Variants in PLD1 observed in about 807,000 individuals in gnomAD.
PLD1 encodes phospholipase D1.
PLD1 carries 112 observed loss-of-function variants against 137.1 expected under a neutral mutation model. The ratio of observed to expected loss-of-function variants is 0.82; its 90% CI spans 0.70 to 0.96. PLD1 has a LOEUF of 0.96. Among genes scored for constraint, PLD1 ranks in the 40% least tolerant of loss-of-function variants. PLD1 has a pLI of 0.00. For missense variants in PLD1, 1,321 were observed against 1,342.0 expected (o/e 0.98, Z 0.24); for synonymous variants, 431 against 454.7 (o/e 0.95, Z 0.66).
Position 171,764,933 on chromosome 3 carries a change from GGAAAGAAAGAAAGAAAGAAAGAAA to G in PLD1, c.-31-26875_-31-26852del, listed in dbSNP as rs151169443. The stretch of plus-strand genomic sequence containing the variant: ...GAAGGAAAGAAAGAAAGGAAAGAAA[GGAAAGAAAGAAAGAAAGAAAGAAA>G]GAAAGAAAGAAAGAAAGAAAGAAAG... On this transcript the variant is annotated intron_variant, in intron 1 of 26. Coordinates refer to ENST00000351298, the MANE Select transcript of PLD1 (RefSeq NM_002662.5). 5.9e-3 allele frequency among the ~76,000 whole-genome samples: 140 copies of G among 23,740 alleles called. 9 individuals carry two copies. The highest frequency in any genetic ancestry group is 0.016 in the South Asian group (13 of 816). 15.6% of individuals were successfully genotyped at this position (23,740 alleles called of 152,430 possible). A position where few individuals can be genotyped will look rare whatever the true frequency, so the allele number is the denominator to read the frequency against.
At chr3:171,796,794 A>C (rs139309087) in intron 1 of PLD1, among the ~76,000 whole-genome samples, 16 of 152,074 alleles carry the variant, frequency 1.1e-4, no homozygotes, top group African/African-American at 3.9e-4. Flanking sequence ...CAACTACCAA[A>C]TCTGTGGCTT....
At chr3:171,730,936 G>T (rs1718895957) in intron 6 of PLD1, among the ~76,000 whole-genome samples, 1 of 152,164 alleles carries the variant, frequency 6.6e-6, no homozygotes. Flanking sequence ...ACTGCGCCCA[G>T]CCCTGTCTCC....
chr3:171,605,021 G>C (rs984625892), intron 26 of PLD1, among the ~76,000 whole-genome samples: 2 of 152,162 alleles, frequency 1.3e-5, no homozygotes, highest in Non-Finnish European at 2.9e-5. Flanking sequence ...ATGTACAAAG[G>C]CTGGGTAACC....
At chr3:171,626,383 A>G (rs536850151) in intron 23 of PLD1, among the ~76,000 whole-genome samples, 180 of 152,348 alleles carry the variant, frequency 1.2e-3, no homozygotes, top group African/African-American at 4.2e-3. Flanking sequence ...TGATTAGTGT[A>G]CCTGAAAGTG....
chr3:171,777,537 C>T (rs1259711242), intron 1 of PLD1, among the ~76,000 whole-genome samples: 1 of 152,226 alleles, frequency 6.6e-6, no homozygotes, highest in Non-Finnish European at 1.5e-5. Flanking sequence ...AACCTGAAGC[C>T]ATTTTCTCTA....
intron 23 of PLD1, among the ~76,000 whole-genome samples, chr3:171,639,408 A>C (rs1338790229): frequency 7.9e-6 from 1 of 126,344 alleles, no homozygotes; most frequent in African/African-American, 3.1e-5. Flanking sequence ...ATATATTTAT[A>C]TATAATTTTT....
chr3:171,666,161 T>G (rs1045861449), intron 19 of PLD1: 4 of 152,242 alleles, frequency 2.6e-5, no homozygotes, highest in African/African-American at 9.7e-5. Context: ...AACAGTCAAA[T>G]AAGTCAAACC....
At chr3:171,620,342 T>C (rs550547086) in intron 24 of PLD1, 44 bp downstream of exon 24, 13 of 1,436,582 alleles carry the variant, frequency 9.0e-6, no homozygotes, top group Non-Finnish European at 1.2e-5. Flanking sequence ...ATGGGGTAAG[T>C]CAACTGGCAA....
At chr3:171,679,252 T>C (rs1713703463) in intron 16 of PLD1, among the ~76,000 whole-genome samples, 1 of 152,192 alleles carries the variant, frequency 6.6e-6, no homozygotes. Context: ...TATCTCAAAC[T>C]GAATCATTAA....
At chr3:171,635,965 CTTTTTTTTTTTTTTTTTTT>C (rs71178231) in intron 23 of PLD1, among the ~76,000 whole-genome samples, 2 of 49,252 alleles carry the variant, frequency 4.1e-5, no homozygotes, top group Non-Finnish European at 8.9e-5. Flanking sequence ...GGTTCAACTT[CTTTTTTTTTTTTTTTTTTT>C]TTTTTTTTTT....
intron 1 of PLD1, chr3:171,792,342 C>T (rs1469848657): frequency 3.0e-6 from 1 of 337,366 alleles, no homozygotes; most frequent in East Asian, 8.1e-5. Flanking sequence ...GGGGCCAGTT[C>T]CATCCTCTTA....
At chr3:171,688,534 C>T (rs938549193) in intron 14 of PLD1, 142 bp downstream of exon 14, 11 of 695,312 alleles carry the variant, frequency 1.6e-5, no homozygotes, top group Non-Finnish European at 2.5e-5. Flanking sequence ...CCAGGTCTGT[C>T]TCATGATTGA....
chr3:171,642,465 A>G (rs1735839825), intron 23 of PLD1, among the ~76,000 whole-genome samples: 1 of 150,502 alleles, frequency 6.6e-6, no homozygotes, highest in African/African-American at 2.4e-5. Context: ...CTCAAAAAAA[A>G]AAAAAAAAAA....
intron 17 of PLD1, 53 bp downstream of exon 17, chr3:171,677,513 G>A: frequency 1.3e-6 from 2 of 1,560,974 alleles, no homozygotes; most frequent in Non-Finnish European, 1.7e-6. Flanking sequence ...TTGCTGAGAT[G>A]TTCAAAGGTA....
chr3:171,794,289 C>T (rs1259970852), intron 1 of PLD1, among the ~76,000 whole-genome samples: 1 of 151,806 alleles, frequency 6.6e-6, no homozygotes, highest in East Asian at 1.9e-4. Context: ...CTTACTGTAC[C>T]TAATTTATAT....
chr3:171,690,631 C>T (rs1715060282), intron 13 of PLD1, among the ~76,000 whole-genome samples: 2 of 151,970 alleles, frequency 1.3e-5, no homozygotes, highest in African/African-American at 4.8e-5. Flanking sequence ...ATTTAATTTC[C>T]ACAAATTTGT....
In PLD1 at chr3:171,692,432, A is replaced by G. The variant is rs974458049; in HGVS notation, c.1238T>C (p.Val413Ala). ...CILKRKAQQG[V>A]RIFIMLYKEV... ...TTTGTAGAGCATTATGAAGATCCTCACTCCTTGTTGCTGTCACAGGAGAAA... is the reference window on the plus strand; with the variant it reads ...TTTGTAGAGCATTATGAAGATCCTCGCTCCTTGTTGCTGTCACAGGAGAAA... Residue 413 changes from valine (V) to alanine (A), a missense_variant, in exon 13 of 27, where the codon GTG becomes GCG. Physicochemically the swap from Val to Ala is moderately conservative, Grantham distance 64 (BLOSUM62 0). Transcript: ENST00000351298. The G allele has an allele frequency of 3.9e-6, 6 of 1,557,752 alleles. No individual in the cohort carries two copies. The highest frequency in any genetic ancestry group is 4.5e-5 in the East Asian group (2 of 44,592).
At chr3:171,640,445 G>A (rs1008162189) in intron 23 of PLD1, among the ~76,000 whole-genome samples, 1 of 151,956 alleles carries the variant, frequency 6.6e-6, no homozygotes, top group Non-Finnish European at 1.5e-5. Context: ...GAAGTATATT[G>A]TATAATTTCC....
intron 1 of PLD1, among the ~76,000 whole-genome samples, chr3:171,747,585 A>G (rs1341231211): frequency 6.6e-6 from 1 of 152,070 alleles, no homozygotes; most frequent in Middle Eastern, 3.2e-3. Flanking sequence ...CCAGGATTCC[A>G]AAGCCCATGT....
Sources: allele counts gnomAD v4.1 joint callset (sites outside exome capture counted in the v4.1 genomes callset), GRCh38; gene constraint gnomAD v4.1.1; transcripts MANE v1.5; gene names NCBI Gene and HGNC (gene_info 2026-07-23, HGNC 2026-07-21).